The following SLIT3 variants were observed in gnomAD, a reference collection of about 807,000 sequenced individuals.
SLIT3 encodes slit homolog 3 protein.
A neutral mutation model predicts 184.0 loss-of-function variants in SLIT3; 68 were observed. That is an observed-to-expected ratio of 0.37 (90% CI 0.30 to 0.45). The LOEUF (loss-of-function observed/expected upper bound fraction) is 0.45, where lower values mean the gene tolerates loss of function less well. Ranked by LOEUF, SLIT3 falls within the 20% of genes least tolerant of loss-of-function variation. The pLI is 1.00. For missense variants in SLIT3, 1,707 were observed against 2,026.0 expected (o/e 0.84, Z 3.02); for synonymous variants, 831 against 828.6 (o/e 1.00, Z -0.05).
intron 4 of SLIT3, among the ~76,000 whole-genome samples, chr5:169,171,180 T>C (rs184361964): frequency 6.6e-6 from 1 of 152,320 alleles, no homozygotes; most frequent in East Asian, 1.9e-4. Context: ...ATTTGAATCT[T>C]GAGGGTTAGA....
chr5:168,714,757 C>T (rs1762666303), intron 23 of SLIT3, among the ~76,000 whole-genome samples: 1 of 152,082 alleles, frequency 6.6e-6, no homozygotes, highest in Non-Finnish European at 1.5e-5. Context: ...ATGAGTGCTC[C>T]TTCCCCTTTC....
intron 1 of SLIT3, among the ~76,000 whole-genome samples, chr5:169,251,674 G>T (rs116721578): frequency 6.6e-6 from 1 of 152,234 alleles, no homozygotes; most frequent in African/African-American, 2.4e-5. Flanking sequence ...ATATGTAACT[G>T]CCTGCCTTCT....
intron 8 of SLIT3, among the ~76,000 whole-genome samples, chr5:168,807,421 T>C (rs1757006665): frequency 6.6e-6 from 1 of 152,190 alleles, no homozygotes; most frequent in South Asian, 2.1e-4. Context: ...TTAAGGACAT[T>C]GTAAACATTT....
At chr5:169,236,595 T>C (rs1765210186) in intron 3 of SLIT3, among the ~76,000 whole-genome samples, 1 of 151,928 alleles carries the variant, frequency 6.6e-6, no homozygotes, top group Admixed American at 6.6e-5. Context: ...CTCAGCATCC[T>C]GAGTAGCTGG....
rs771926042 is a variant in SLIT3, at chr5:169,035,849, GATGGTT to G, written c.414-152519_414-152514del. The stretch of plus-strand genomic sequence containing the variant: ...CAATCCTAAATTTCTATCCTTTCTT[GATGGTT>G]TTCTACTTGAAACAGTTAATATCGT... On this transcript the variant is annotated intron_variant, in intron 4 of 35. Coordinates refer to ENST00000519560, the MANE Select transcript of SLIT3 (RefSeq NM_003062.4). Among the ~76,000 whole-genome samples, 735 of 152,164 alleles carry G rather than the reference GATGGTT, an allele frequency of 4.8e-3. 2 individuals are homozygous for G. The highest frequency in any genetic ancestry group is 0.017 in the Middle Eastern group (5 of 294).
chr5:168,827,191 A>T (rs1757733735), intron 6 of SLIT3, among the ~76,000 whole-genome samples: 1 of 152,222 alleles, frequency 6.6e-6, no homozygotes, highest in East Asian at 1.9e-4. Context: ...TCCAGGAATG[A>T]GGCCCATGTT....
At chr5:169,280,987 T>C (rs1043214356) in intron 1 of SLIT3, among the ~76,000 whole-genome samples, 1 of 152,154 alleles carries the variant, frequency 6.6e-6, no homozygotes, top group Non-Finnish European at 1.5e-5. Flanking sequence ...ATAAACATAA[T>C]GTCAAATGGC....
At chr5:168,734,843 G>A (rs527921588) in intron 20 of SLIT3, among the ~76,000 whole-genome samples, 1 of 152,296 alleles carries the variant, frequency 6.6e-6, no homozygotes, top group East Asian at 1.9e-4. Context: ...TCTGTGTGAT[G>A]AAAACCCCTG....
chr5:169,132,905 G>A (rs1717851947), intron 4 of SLIT3, among the ~76,000 whole-genome samples: 1 of 152,176 alleles, frequency 6.6e-6, no homozygotes, highest in Admixed American at 6.5e-5. Flanking sequence ...CTTGTTGCCA[G>A]GCATTTATTT....
chr5:169,086,128 A>G (rs572592581), intron 4 of SLIT3, among the ~76,000 whole-genome samples: 2 of 152,326 alleles, frequency 1.3e-5, no homozygotes, highest in African/African-American at 4.8e-5. Context: ...CCCTGTGAGA[A>G]CAGTCAAGGC....
chr5:168,748,198 G>T, intron 20 of SLIT3, 104 bp downstream of exon 20: 1 of 1,299,300 alleles, frequency 7.7e-7, no homozygotes, highest in South Asian at 1.9e-5. Flanking sequence ...GTCTCCCCCC[G>T]GCAGTTTCGC....
chr5:169,144,987 C>T (rs988932410), intron 4 of SLIT3, among the ~76,000 whole-genome samples: 3 of 152,198 alleles, frequency 2.0e-5, no homozygotes, highest in South Asian at 2.1e-4. Context: ...TTTTTGTCTT[C>T]ACCTTATAAT....
At chr5:168,957,636 G>C (rs1466744105) in intron 4 of SLIT3, among the ~76,000 whole-genome samples, 1 of 152,210 alleles carries the variant, frequency 6.6e-6, no homozygotes, top group African/African-American at 2.4e-5. Context: ...TTGTGTCTCA[G>C]AATCACTTGT....
intron 5 of SLIT3, among the ~76,000 whole-genome samples, chr5:168,847,201 AGC>A (rs1412265783): frequency 7.9e-5 from 12 of 152,248 alleles, no homozygotes; most frequent in Non-Finnish European, 1.6e-4. Flanking sequence ...CTTTACTATA[AGC>A]ATCTCTGTGG....
At chr5:169,152,645 G>C (rs549657355) in intron 4 of SLIT3, among the ~76,000 whole-genome samples, 49 of 152,266 alleles carry the variant, frequency 3.2e-4, no homozygotes, top group African/African-American at 1.2e-3. Context: ...CATGGTGAAC[G>C]TCAAGATCCT....
At chr5:168,746,755 T>A in intron 20 of SLIT3, among the ~76,000 whole-genome samples, 1 of 51,900 alleles carries the variant, frequency 1.9e-5, no homozygotes. Flanking sequence ...GGTGTGGGTG[T>A]GGCGGTGTGT....
At chr5:168,780,051 G>C (rs574394577) in intron 12 of SLIT3, among the ~76,000 whole-genome samples, 3 of 152,236 alleles carry the variant, frequency 2.0e-5, no homozygotes, top group Non-Finnish European at 2.9e-5. Flanking sequence ...ACAGACATCT[G>C]GAGTCAGGCT....
intron 4 of SLIT3, among the ~76,000 whole-genome samples, chr5:168,910,085 C>A (rs566896699): frequency 6.6e-6 from 1 of 152,358 alleles, no homozygotes; most frequent in East Asian, 1.9e-4. Context: ...CAGGACCAAA[C>A]CATCTGGGCT....
At chr5:168,956,325 T>C (rs79794685) in intron 4 of SLIT3, among the ~76,000 whole-genome samples, 2,811 of 152,190 alleles carry the variant, frequency 0.018, 42 homozygotes, top group East Asian at 0.032. Flanking sequence ...AAAGTTAAGG[T>C]AAAGATGTTC....
Sources: gnomAD v4.1 joint callset for allele counts (sites outside exome capture counted in the v4.1 genomes callset) on GRCh38, gnomAD v4.1.1 for gene constraint, MANE v1.5 for transcripts, NCBI Gene and HGNC (gene_info 2026-07-23, HGNC 2026-07-21) for gene names.